UNC5B: variants seen among roughly 807,000 people sequenced by gnomAD.
The protein encoded by UNC5B is netrin receptor UNC5B.
UNC5B carries 56 observed loss-of-function variants against 103.7 expected under a neutral mutation model. The ratio of observed to expected loss-of-function variants is 0.54; its 90% CI spans 0.44 to 0.67. UNC5B has a LOEUF of 0.67. Ranked by LOEUF, UNC5B falls within the 30% of genes least tolerant of loss-of-function variation. UNC5B has a pLI of 0.00. For synonymous variants in UNC5B, 577 were observed against 542.0 expected (o/e 1.06, Z -0.90); for missense variants, 1,194 against 1,284.5 (o/e 0.93, Z 1.08).
At chr10:71,233,982 T>C (rs1843728451) in intron 1 of UNC5B, among the ~76,000 whole-genome samples, 1 of 152,248 alleles carries the variant, frequency 6.6e-6, no homozygotes, top group African/African-American at 2.4e-5. Context: ...CTTGATTTGA[T>C]GCTTCTCTGC....
chr10:71,282,867 A>G (rs1844966169), intron 2 of UNC5B, among the ~76,000 whole-genome samples: 1 of 152,176 alleles, frequency 6.6e-6, no homozygotes, highest in South Asian at 2.1e-4. Flanking sequence ...CTGTAATCCC[A>G]GCACTTTGGG....
At chr10:71,288,833 G>A (rs972485074) in intron 7 of UNC5B, 101 bp downstream of exon 7, 61 of 1,552,666 alleles carry the variant, frequency 3.9e-5, no homozygotes, top group African/African-American at 3.8e-4. Context: ...CCTGCAGCAC[G>A]GCAGTCCTCA....
intron 1 of UNC5B, among the ~76,000 whole-genome samples, chr10:71,272,071 T>A (rs1844659524): frequency 6.6e-6 from 1 of 152,168 alleles, no homozygotes; most frequent in South Asian, 2.1e-4. Flanking sequence ...TGAGGTTGTG[T>A]GTTTTTAAAA....
intron 1 of UNC5B, among the ~76,000 whole-genome samples, chr10:71,268,956 C>G (rs757590786): frequency 6.6e-6 from 1 of 152,228 alleles, no homozygotes; most frequent in Non-Finnish European, 1.5e-5. Context: ...CCTCCAGCAA[C>G]CTGAAACGCG....
chr10:71,222,566 C>T (rs1345271340), intron 1 of UNC5B, among the ~76,000 whole-genome samples: 2 of 152,186 alleles, frequency 1.3e-5, no homozygotes, highest in Non-Finnish European at 2.9e-5. Context: ...TAGGGCTGGG[C>T]CTGGGCCCTG....
rs1418577275 is a variant in UNC5B at position 71,284,710 on chromosome 10, C to T, written c.305-10C>T. Reference sequence around the variant, plus strand: ...CCCTGCCCCCTGACGGCTCTCTCTTCTCCTCCCAGGCCTGCGGGTGCGCGA... The same window carrying T: ...CCCTGCCCCCTGACGGCTCTCTCTTTTCCTCCCAGGCCTGCGGGTGCGCGA... On this transcript the variant is annotated splice_polypyrimidine_tract_variant and intron_variant, in intron 2 of 16. Coordinates refer to ENST00000335350, the MANE Select transcript of UNC5B (RefSeq NM_170744.5). The T allele has an allele frequency of 3.1e-6, 5 of 1,613,162 alleles. No homozygotes were observed. The East Asian group carries it at 6.7e-5, about 22-fold the overall frequency.
At chr10:71,259,862 AC>A (rs2132279986) in intron 1 of UNC5B, among the ~76,000 whole-genome samples, 1 of 152,182 alleles carries the variant, frequency 6.6e-6, no homozygotes, top group East Asian at 1.9e-4. Context: ...TATTCTGCCC[AC>A]CTCCTGAGTT....
chr10:71,280,561 T>C (rs1844898626), intron 2 of UNC5B, among the ~76,000 whole-genome samples: 1 of 152,256 alleles, frequency 6.6e-6, no homozygotes, highest in Non-Finnish European at 1.5e-5. Flanking sequence ...CAAGTGGTGC[T>C]GGGATGTAGA....
chr10:71,287,870 A>G, intron 6 of UNC5B, 105 bp downstream of exon 6: 1 of 1,464,744 alleles, frequency 6.8e-7, no homozygotes, highest in Non-Finnish European at 9.1e-7. Context: ...TGGGGAGCAG[A>G]AGGTGCTTGT....
In UNC5B at chr10:71,292,505, G is replaced by C. The variant is rs1347191276; in HGVS notation, c.1723G>C (p.Gly575Arg). ...LLVPNGAIPQ[G>R]KFYEMYLLIN... ...GGTGCCCAATGGAGCCATTCCCCAGGGCAAGTTCTACGAGATGTATCTACT... is the reference window on the plus strand; with the variant it reads ...GGTGCCCAATGGAGCCATTCCCCAGCGCAAGTTCTACGAGATGTATCTACT... The change falls in exon 11 of 17, where the codon GGC (glycine) becomes CGC (arginine). Residue 575 changes from glycine (G) to arginine (R), a missense_variant. By Grantham distance (125) the Gly-to-Arg change is moderately radical (BLOSUM62 -2). Transcript: ENST00000335350. 6.2e-7 allele frequency: 1 copy of C among 1,606,008 alleles called. No homozygotes were observed. Among genetic ancestry groups the C allele is most frequent in the African/African-American group, 1.3e-5 (1 of 74,914 alleles).
At chr10:71,253,942 C>T (rs534286671) in intron 1 of UNC5B, among the ~76,000 whole-genome samples, 2 of 152,270 alleles carry the variant, frequency 1.3e-5, no homozygotes, top group African/African-American at 2.4e-5. Context: ...CGTGTCCTTC[C>T]TGCTCACTAT....
chr10:71,286,839 C>T lies in UNC5B; in HGVS notation c.703C>T (p.Arg235Trp), dbSNP rs759478177. ...GGCCAAGAACATCGTGGCCAAACGC[C>T]GGAGCACCACTGCCACCGTCATCGT... ...CVAKNIVAKR[R>W]STTATVIVYV... The change falls in exon 5 of 17, where the codon CGG (arginine) becomes TGG (tryptophan). Residue 235 changes from arginine (R) to tryptophan (W), a missense_variant. By Grantham distance (101) the Arg-to-Trp change is moderately radical. Coordinates refer to ENST00000335350, the MANE Select transcript of UNC5B (RefSeq NM_170744.5). 15 of 1,614,020 alleles carry T rather than the reference C, an allele frequency of 9.3e-6. No homozygotes were observed. The highest frequency in any genetic ancestry group is 6.7e-5 in the East Asian group (3 of 44,882).
At chr10:71,267,008 GA>G (rs1384311720) in intron 1 of UNC5B, among the ~76,000 whole-genome samples, 3 of 150,300 alleles carry the variant, frequency 2.0e-5, no homozygotes, top group Admixed American at 1.3e-4. Flanking sequence ...TTATCAGATC[GA>G]AAAAAAAATC....
intron 16 of UNC5B, among the ~76,000 whole-genome samples, 169 bp from the exon 17 acceptor site, chr10:71,298,943 G>A (rs1038738421): frequency 2.6e-5 from 4 of 152,118 alleles, no homozygotes; most frequent in African/African-American, 4.8e-5. Flanking sequence ...CATAGGTTCT[G>A]AATTGCCGAG....
rs1466262964 is a variant in UNC5B at position 71,213,877 on chromosome 10, T to C, written c.79+813T>C. Among the ~76,000 whole-genome samples the C allele has an allele frequency of 6.6e-6, 1 of 151,756 alleles. No homozygotes were observed. Among genetic ancestry groups the C allele is most frequent in the Non-Finnish European group, 1.5e-5 (1 of 67,964 alleles). On this transcript the variant is annotated intron_variant, in intron 1 of 16. Coordinates refer to ENST00000335350, the MANE Select transcript of UNC5B (RefSeq NM_170744.5). This position sits in a 1 kb window ranked among gnomAD's most constrained non-coding sequence, Gnocchi z 4.1. ...GCGCTCTCCTTGGTACAGCGCCCGC[T>C]CTGGACCCACCAAGATGACTTCAGC...
At chr10:71,251,992 C>T (rs1844184360) in intron 1 of UNC5B, among the ~76,000 whole-genome samples, 1 of 152,136 alleles carries the variant, frequency 6.6e-6, no homozygotes, top group South Asian at 2.1e-4. Flanking sequence ...GTAATGTTCC[C>T]CTTCACCTCC....
intron 7 of UNC5B, 41 bp from the exon 8 acceptor site, chr10:71,288,917 G>T: frequency 1.2e-6 from 2 of 1,606,938 alleles, no homozygotes; most frequent in Non-Finnish European, 1.7e-6. Context: ...CCCTTTCCCT[G>T]TCACCTATGT....
chr10:71,267,596 G>C (rs1844550740), intron 1 of UNC5B, among the ~76,000 whole-genome samples: 1 of 152,204 alleles, frequency 6.6e-6, no homozygotes, highest in African/African-American at 2.4e-5. Flanking sequence ...CCCACTTGTG[G>C]AACTGAAGCT....
intron 1 of UNC5B, among the ~76,000 whole-genome samples, chr10:71,248,166 C>T (rs562072262): frequency 5.9e-5 from 9 of 152,162 alleles, no homozygotes; most frequent in Non-Finnish European, 1.2e-4. Context: ...TACCAGCTCT[C>T]AGCTCTTTGA....
Sources: gnomAD v4.1 joint callset for allele counts (sites outside exome capture counted in the v4.1 genomes callset) on GRCh38, gnomAD v4.1.1 for gene constraint, Gnocchi (gnomAD v3.1) non-coding constraint, MANE v1.5 for transcripts, NCBI Gene and HGNC (gene_info 2026-07-23, HGNC 2026-07-21) for gene names.